The following ITPR2 variants were observed in gnomAD, a reference collection of about 807,000 sequenced individuals.
ITPR2 encodes inositol 1,4,5-trisphosphate receptor type 2, also known as inositol 1,4,5-trisphosphate-gated calcium channel ITPR2.
Under a neutral mutation model 317.1 loss-of-function variants are expected in ITPR2, and 207 were observed. That is an observed-to-expected ratio of 0.65 (90% confidence interval 0.58 to 0.73). The LOEUF is 0.73. Ranked by LOEUF, ITPR2 falls within the 30% of genes least tolerant of loss-of-function variation. The pLI, the probability that ITPR2 is intolerant of heterozygous loss-of-function variation, is 0.00. For synonymous variants in ITPR2, 1,156 were observed against 1,149.1 expected (o/e 1.01, Z -0.12); for missense variants, 2,613 against 3,284.0 (o/e 0.80, Z 4.99).
Position 26,773,779 on chromosome 12 carries a change from G to C in ITPR2, c.163+16378C>G, listed in dbSNP as rs189236730. ...ACAATCCTGACTAGCTTTGACAGGAGAGGCAAAGAGGCAAAGCAATGTGGT... is the reference window on the plus strand; with the variant it reads ...ACAATCCTGACTAGCTTTGACAGGACAGGCAAAGAGGCAAAGCAATGTGGT... On this transcript the variant is annotated intron_variant, in intron 2 of 56. Coordinates refer to ENST00000381340, the MANE Select transcript of ITPR2 (RefSeq NM_002223.4). Among the ~76,000 whole-genome samples the C allele has an allele frequency of 3.4e-4, 47 of 138,898 alleles. 1 individual carries two copies. The highest frequency in any genetic ancestry group is 2.6e-3 in the Admixed American group (36 of 14,016). 91.1% of individuals were successfully genotyped at this position (138,898 alleles called of 152,430 possible). A position where few individuals can be genotyped will look rare whatever the true frequency, so the allele number is the denominator to read the frequency against.
At chr12:26,477,758 T>C (rs1942451789) in intron 43 of ITPR2, among the ~76,000 whole-genome samples, 1 of 152,126 alleles carries the variant, frequency 6.6e-6, no homozygotes, top group African/African-American at 2.4e-5. Context: ...TAATCCAAAA[T>C]AGATACTCAG....
intron 13 of ITPR2, 81 bp from the exon 14 acceptor site, chr12:26,666,132 G>GTAGA: frequency 3.4e-6 from 1 of 293,028 alleles, no homozygotes. Context: ...AGGTAGGTAG[G>GTAGA]TAGAGATAGA....
rs1279302272 is a variant in ITPR2, at chr12:26,681,965, G to A, written c.1318C>T (p.Arg440Ter). 6 of 1,613,640 alleles carry A rather than the reference G, an allele frequency of 3.7e-6. No homozygotes were observed. The highest frequency in any genetic ancestry group is 2.2e-5 in the East Asian group (1 of 44,874). The change falls in exon 13 of 57, where the codon CGA becomes TGA. Residue 440 changes from arginine to a stop codon, truncating the protein, a stop_gained. Coordinates refer to ENST00000381340, the MANE Select transcript of ITPR2 (RefSeq NM_002223.4). LOFTEE classifies it high-confidence loss of function. ...AIVSVPLSEV[R>*]DLDFANDANK... is the part of the protein sequence containing the mutation. Reference sequence around the variant, plus strand: ...GCATCATTGGCAAAGTCTAAGTCTCGAACTTCAGACAGTGGAACAGACACG... The same window carrying A: ...GCATCATTGGCAAAGTCTAAGTCTCAAACTTCAGACAGTGGAACAGACACG...
intron 54 of ITPR2, among the ~76,000 whole-genome samples, chr12:26,397,416 T>C (rs1940033002): frequency 6.6e-6 from 1 of 151,942 alleles, no homozygotes; most frequent in African/African-American, 2.4e-5. Flanking sequence ...TCTAAAGGCT[T>C]TCCTGACTCT....
intron 2 of ITPR2, among the ~76,000 whole-genome samples, chr12:26,751,478 T>A (rs559419667): frequency 2.6e-5 from 4 of 152,128 alleles, no homozygotes; most frequent in Admixed American, 2.6e-4. Context: ...GGGAACGAGA[T>A]CAATTCATAT....
intron 54 of ITPR2, among the ~76,000 whole-genome samples, chr12:26,398,477 T>C (rs929136233): frequency 6.6e-6 from 1 of 152,106 alleles, no homozygotes; most frequent in Non-Finnish European, 1.5e-5. Context: ...CAAAACATAG[T>C]GATGTCAGTG....
intron 49 of ITPR2, among the ~76,000 whole-genome samples, chr12:26,427,465 C>T (rs1187160731): frequency 1.3e-5 from 2 of 151,902 alleles, no homozygotes; most frequent in African/African-American, 2.4e-5. Context: ...TAAAAAGAAC[C>T]CAATTTAATA....
At chr12:26,583,099 C>T (rs1945442491) in intron 32 of ITPR2, among the ~76,000 whole-genome samples, 1 of 152,146 alleles carries the variant, frequency 6.6e-6, no homozygotes, top group Non-Finnish European at 1.5e-5. Flanking sequence ...CAGTACTCTC[C>T]TATCCCTTCT....
chr12:26,476,798 A>G, intron 44 of ITPR2, 114 bp downstream of exon 44: 2 of 658,870 alleles, frequency 3.0e-6, no homozygotes, highest in Middle Eastern at 3.7e-4. Context: ...ATGATGTTCC[A>G]TTTGTCTTGG....
chr12:26,686,991 C>A (rs991986971), intron 10 of ITPR2, among the ~76,000 whole-genome samples: 15 of 152,172 alleles, frequency 9.9e-5, no homozygotes, highest in Non-Finnish European at 2.9e-5. Context: ...GTTGAATCAT[C>A]TAGATTTCTG....
intron 37 of ITPR2, among the ~76,000 whole-genome samples, chr12:26,529,217 T>C (rs1458280679): frequency 6.6e-6 from 1 of 152,212 alleles, no homozygotes; most frequent in Non-Finnish European, 1.5e-5. Context: ...AATGGCTTTC[T>C]GTCTAATGCT....
intron 34 of ITPR2, among the ~76,000 whole-genome samples, chr12:26,562,964 C>CAA (rs367568577): frequency 7.2e-6 from 1 of 139,124 alleles, no homozygotes; most frequent in Non-Finnish European, 1.6e-5. Flanking sequence ...ACTTGTATAG[C>CAA]AAAAAAAAAA....
At chr12:26,657,920 C>G in intron 17 of ITPR2, 28 bp from the exon 18 acceptor site, 1 of 1,608,226 alleles carries the variant, frequency 6.2e-7, no homozygotes. Context: ...ATACAAAAAT[C>G]TACTAAAAAG....
In ITPR2 at chr12:26,654,086, T is replaced by C. The variant is rs1281992937; in HGVS notation, c.2630A>G (p.Tyr877Cys). ...LARNLIYFGF[Y>C]SFSELLRLTR... Reference sequence around the variant, plus strand: ...TAGCCTTAATAACTCACTGAAACTATAAAATCCAAAGTATATAAGATTCCG... The same window carrying C: ...TAGCCTTAATAACTCACTGAAACTACAAAATCCAAAGTATATAAGATTCCG... The change falls in exon 21 of 57, where the codon TAT becomes TGT. Residue 877 changes from tyrosine to cysteine, a missense_variant. Physicochemically the swap from Tyr to Cys is radical, Grantham distance 194. Transcript: ENST00000381340. 1.2e-5 allele frequency: 15 copies of C among 1,262,900 alleles called. No individual in the cohort carries two copies. Among genetic ancestry groups the C allele is most frequent in the East Asian group, 1.0e-4 (2 of 19,260 alleles). 78.2% of individuals were successfully genotyped at this position (1,262,900 alleles called of 1,614,324 possible).
chr12:26,359,151 G>A (rs1158595623), intron 55 of ITPR2, among the ~76,000 whole-genome samples: 1 of 152,214 alleles, frequency 6.6e-6, no homozygotes, highest in Non-Finnish European at 1.5e-5. Context: ...CAGGCGCATA[G>A]CAGGCTTTCT....
At chr12:26,829,395 ACT>A (rs1951063321) in intron 1 of ITPR2, among the ~76,000 whole-genome samples, 3 of 151,570 alleles carry the variant, frequency 2.0e-5, no homozygotes, top group Non-Finnish European at 4.4e-5. Flanking sequence ...CAATGGTGTG[ACT>A]GTTGCTCCCT....
At chr12:26,601,318 G>T (rs1415300634) in intron 28 of ITPR2, among the ~76,000 whole-genome samples, 1 of 152,034 alleles carries the variant, frequency 6.6e-6, no homozygotes, top group Non-Finnish European at 1.5e-5. Flanking sequence ...GGGCCTATGG[G>T]GGCAACACCC....
At chr12:26,536,898 A>G (rs984472733) in intron 37 of ITPR2, among the ~76,000 whole-genome samples, 2 of 152,236 alleles carry the variant, frequency 1.3e-5, no homozygotes, top group African/African-American at 4.8e-5. Context: ...TAAGAATTTT[A>G]AAAGAAGGCA....
intron 1 of ITPR2, among the ~76,000 whole-genome samples, chr12:26,809,581 T>C (rs943014230): frequency 9.2e-5 from 14 of 152,236 alleles, no homozygotes; most frequent in African/African-American, 3.4e-4. Flanking sequence ...CTTCTATCCA[T>C]ATCTGCCTTT....
Sources: gnomAD v4.1 joint callset for allele counts (sites outside exome capture counted in the v4.1 genomes callset) on GRCh38, gnomAD v4.1.1 for gene constraint, MANE v1.5 for transcripts, NCBI Gene and HGNC (gene_info 2026-07-23, HGNC 2026-07-21) for gene names.